PREX2: variants seen among roughly 807,000 people sequenced by gnomAD.
PREX2 encodes the protein phosphatidylinositol-3,4,5-trisphosphate dependent Rac exchange factor 2, also known as phosphatidylinositol 3,4,5-trisphosphate-dependent Rac exchanger 2 protein.
PREX2 carries 107 observed loss-of-function variants against 203.2 expected under a neutral mutation model. The ratio of observed to expected loss-of-function variants is 0.53; its 90% CI spans 0.45 to 0.62. PREX2 has a LOEUF of 0.62. Ranked by LOEUF, PREX2 falls within the 20% of genes least tolerant of loss-of-function variation. The probability of loss-of-function intolerance (pLI) is 0.00; values close to 1 mark genes in which losing one functional copy is unlikely to be tolerated. For synonymous variants in PREX2, 672 were observed against 663.6 expected, an observed-to-expected ratio of 1.01 and a Z score of -0.19; for missense variants, 1,777 against 1,955.9, an observed-to-expected ratio of 0.91 and a Z score of 1.72.
intron 1 of PREX2, among the ~76,000 whole-genome samples, chr8:68,000,744 A>C (rs951372968): frequency 6.6e-6 from 1 of 152,182 alleles, no homozygotes; most frequent in African/African-American, 2.4e-5. Context: ...CTGGTACAAA[A>C]GCAGACACAT....
At chr8:68,115,566 A>G (rs915244340) in intron 25 of PREX2, among the ~76,000 whole-genome samples, 187 bp from the exon 26 acceptor site, 1 of 147,996 alleles carries the variant, frequency 6.8e-6, no homozygotes. Context: ...TGTTGTTTGT[A>G]TGACTTATTT....
chr8:68,218,799 A>T (rs1036150235), intron 38 of PREX2, among the ~76,000 whole-genome samples: 1 of 152,192 alleles, frequency 6.6e-6, no homozygotes, highest in South Asian at 2.1e-4. Flanking sequence ...ACTTCTGGTT[A>T]GGGCTCAGGA....
intron 35 of PREX2, among the ~76,000 whole-genome samples, chr8:68,169,483 A>AT (rs1811831448): frequency 6.6e-6 from 1 of 152,160 alleles, no homozygotes; most frequent in Admixed American, 6.5e-5. Context: ...GGTAGAAGTC[A>AT]TTTTATACTT....
Position 68,236,675 on chromosome 8 carries a change from T to C in PREX2, c.*5297T>C, listed in dbSNP as rs1028189756. The stretch of plus-strand genomic sequence containing the variant: ...AGTAAATGAGTAGAACAGAGCTTTT[T>C]GCCTAAAAATATTTTTATAAGTACT... On this transcript the variant is annotated 3_prime_UTR_variant, in exon 40 of 40. Coordinates refer to ENST00000288368, the MANE Select transcript of PREX2 (RefSeq NM_024870.4). 1 of 152,178 alleles carries C rather than the reference T, an allele frequency of 6.6e-6. No homozygotes were observed. The highest frequency in any genetic ancestry group is 6.5e-5 in the Admixed American group (1 of 15,272). The allele number at this position is 152,178 out of a possible 1,614,324, so 9.4% of individuals were successfully genotyped here.
At chr8:67,977,028 T>G (rs1030682928) in intron 1 of PREX2, among the ~76,000 whole-genome samples, 1 of 152,244 alleles carries the variant, frequency 6.6e-6, no homozygotes, top group Non-Finnish European at 1.5e-5. Flanking sequence ...TAGTTTGTTA[T>G]GCAATATAAT....
chr8:68,192,299 A>T (rs751741846), intron 36 of PREX2, 36 bp from the exon 37 acceptor site: 2 of 1,512,834 alleles, frequency 1.3e-6, no homozygotes, highest in East Asian at 4.6e-5. Flanking sequence ...TTTACTAAAC[A>T]TGTTGAACTT....
chr8:68,206,084 C>T (rs1228954702), intron 37 of PREX2, among the ~76,000 whole-genome samples: 1 of 152,116 alleles, frequency 6.6e-6, no homozygotes, highest in African/African-American at 2.4e-5. Context: ...ATATATTAAT[C>T]TACGTGATTC....
chr8:68,007,923 A>G (rs1807145144), intron 1 of PREX2, among the ~76,000 whole-genome samples: 1 of 152,142 alleles, frequency 6.6e-6, no homozygotes, highest in Non-Finnish European at 1.5e-5. Context: ...GTTACTTCAC[A>G]TATATTAATT....
In PREX2 at chr8:68,153,382, G is replaced by A. The variant is rs993804578; in HGVS notation, c.4232-3940G>A. Among the ~76,000 whole-genome samples, 3 of 152,262 alleles carry A rather than the reference G, an allele frequency of 2.0e-5. 1 individual carries two copies. Among genetic ancestry groups the A allele is most frequent in the South Asian group, 4.1e-4 (2 of 4,824 alleles). ...GGAAATGTAGCCCGCTTCAGTCTAA[G>A]AATAATTTAATCTTTAATTTTCTCT... On this transcript the variant is annotated intron_variant, in intron 34 of 39. Transcript: ENST00000288368.
intron 31 of PREX2, among the ~76,000 whole-genome samples, chr8:68,128,217 A>C (rs1298772185): frequency 6.6e-6 from 1 of 152,150 alleles, no homozygotes; most frequent in Non-Finnish European, 1.5e-5. Context: ...ATGTTGAATG[A>C]GTTACTTTTA....
intron 37 of PREX2, among the ~76,000 whole-genome samples, chr8:68,202,602 G>C (rs1330589905): frequency 2.0e-5 from 3 of 152,178 alleles, no homozygotes; most frequent in African/African-American, 7.2e-5. Context: ...CTGGCACAGA[G>C]GTTAGAAGGG....
intron 1 of PREX2, among the ~76,000 whole-genome samples, chr8:67,986,313 A>G (rs1205896115): frequency 1.3e-5 from 2 of 151,606 alleles, no homozygotes; most frequent in African/African-American, 2.4e-5. Context: ...AGAATCACCC[A>G]GCTCGGAAGT....
intron 31 of PREX2, among the ~76,000 whole-genome samples, chr8:68,128,019 A>C (rs559286848): frequency 4.9e-4 from 75 of 152,350 alleles, no homozygotes; most frequent in African/African-American, 1.7e-3. Flanking sequence ...AAAATGAATG[A>C]AAAATTATAT....
intron 37 of PREX2, among the ~76,000 whole-genome samples, chr8:68,199,669 T>C (rs1251503740): frequency 6.6e-6 from 1 of 152,214 alleles, no homozygotes; most frequent in Non-Finnish European, 1.5e-5. Context: ...TGACTCTCAC[T>C]TCATATAAGC....
At chr8:68,100,782 A>C (rs1225283548) in intron 23 of PREX2, among the ~76,000 whole-genome samples, 1 of 152,176 alleles carries the variant, frequency 6.6e-6, no homozygotes, top group Non-Finnish European at 1.5e-5. Context: ...GGTTTTAAGC[A>C]GGGGGATGAC....
intron 35 of PREX2, among the ~76,000 whole-genome samples, chr8:68,163,674 A>C (rs1274141387): frequency 6.6e-6 from 1 of 152,184 alleles, no homozygotes; most frequent in Non-Finnish European, 1.5e-5. Flanking sequence ...TAAATCAAGC[A>C]TTCTAATTTT....
intron 2 of PREX2, among the ~76,000 whole-genome samples, chr8:68,018,578 C>T (rs949329415): frequency 3.9e-5 from 6 of 152,174 alleles, no homozygotes; most frequent in African/African-American, 1.4e-4. Context: ...CTCAGGAAGG[C>T]AGGGTGTGGG....
At chr8:68,047,389 T>A (rs1402159880) in intron 8 of PREX2, among the ~76,000 whole-genome samples, 2 of 150,252 alleles carry the variant, frequency 1.3e-5, no homozygotes, top group Non-Finnish European at 3.0e-5. Flanking sequence ...AAACAGATAC[T>A]ATCAGGCTCA....
At chr8:67,986,817 T>A (rs996393763) in intron 1 of PREX2, among the ~76,000 whole-genome samples, 2 of 152,064 alleles carry the variant, frequency 1.3e-5, no homozygotes, top group Admixed American at 6.5e-5. Flanking sequence ...ATAGAGATAA[T>A]GTCTTGTGTT....
Sources: allele counts gnomAD v4.1 joint callset (sites outside exome capture counted in the v4.1 genomes callset), GRCh38; gene constraint gnomAD v4.1.1; transcripts MANE v1.5; gene names NCBI Gene and HGNC (gene_info 2026-07-23, HGNC 2026-07-21).